Variants in GMPR observed in about 807,000 individuals in gnomAD.
GMPR encodes the protein GMP reductase 1.
Under a neutral mutation model 38.4 loss-of-function variants are expected in GMPR, and 31 were observed. The ratio of observed to expected loss-of-function variants is 0.81; its 90% CI spans 0.61 to 1.09. The LOEUF (loss-of-function observed/expected upper bound fraction) is 1.09, where lower values mean the gene tolerates loss of function less well. GMPR is among the 50% of genes least tolerant of loss of function. The probability of loss-of-function intolerance (pLI) is 0.00; values close to 1 mark genes in which losing one functional copy is unlikely to be tolerated. For missense variants in GMPR, 468 were observed against 453.7 expected (o/e 1.03, Z -0.29); for synonymous variants, 162 against 173.3 (o/e 0.93, Z 0.51).
chr6:16,265,061 C>A (rs1759165301), intron 4 of GMPR, among the ~76,000 whole-genome samples: 1 of 152,142 alleles, frequency 6.6e-6, no homozygotes, highest in Non-Finnish European at 1.5e-5. Flanking sequence ...ATAATGTGTT[C>A]TCGGGTACAT....
At chr6:16,249,674 C>G (rs1331520911) in intron 2 of GMPR, among the ~76,000 whole-genome samples, 1 of 152,148 alleles carries the variant, frequency 6.6e-6, no homozygotes. Context: ...TAATGCTGTT[C>G]AAAGTTGTTC....
intron 4 of GMPR, 103 bp from the exon 5 acceptor site, chr6:16,274,312 G>C: frequency 1.3e-6 from 1 of 756,244 alleles, no homozygotes; most frequent in South Asian, 1.6e-5. Context: ...CAGCTGCCTG[G>C]TGGCTTTAGG....
chr6:16,279,918 G>A (rs1286458185), intron 6 of GMPR, among the ~76,000 whole-genome samples: 3 of 152,216 alleles, frequency 2.0e-5, no homozygotes, highest in Admixed American at 1.3e-4. Context: ...GCTGGGACGC[G>A]TTAGTAATTC....
chr6:16,277,797 C>T (rs142468088), intron 5 of GMPR, among the ~76,000 whole-genome samples: 57 of 152,112 alleles, frequency 3.7e-4, no homozygotes, highest in African/African-American at 9.6e-4. Flanking sequence ...TTTGGCTAGG[C>T]GGGCTGGTAC....
chr6:16,281,725 G>T lies in GMPR; in HGVS notation c.654+2835G>T, dbSNP rs937983801. 2.6e-5 allele frequency among the ~76,000 whole-genome samples: 4 copies of T among 152,064 alleles called. No individual in the cohort carries two copies. The East Asian group carries it at 7.8e-4, about 29-fold the overall frequency. On this transcript the variant is annotated intron_variant, in intron 6 of 8. Coordinates refer to ENST00000259727, the MANE Select transcript of GMPR (RefSeq NM_006877.4). ...GGGTTTCACCATGCTGGCCAGGCTG[G>T]TCTCGAACTCCTGACCTCATGATCC...
intron 7 of GMPR, among the ~76,000 whole-genome samples, chr6:16,288,583 G>A (rs1300108588): frequency 1.3e-5 from 2 of 152,032 alleles, no homozygotes; most frequent in Non-Finnish European, 2.9e-5. Flanking sequence ...CCTAATGAGC[G>A]CCGCCCCCTG....
chr6:16,273,742 C>T (rs574797853), intron 4 of GMPR, among the ~76,000 whole-genome samples: 1 of 151,760 alleles, frequency 6.6e-6, no homozygotes, highest in East Asian at 1.9e-4. Flanking sequence ...TTTTTTTGCC[C>T]AACACTAAAG....
chr6:16,286,757 A>T (rs78897454), intron 7 of GMPR, among the ~76,000 whole-genome samples: 1 of 151,766 alleles, frequency 6.6e-6, no homozygotes, highest in Non-Finnish European at 1.5e-5. Flanking sequence ...ACAAAAAAAA[A>T]TACCGGGGTG....
intron 4 of GMPR, among the ~76,000 whole-genome samples, chr6:16,267,102 G>A (rs565238520): frequency 2.0e-5 from 3 of 152,144 alleles, no homozygotes; most frequent in Admixed American, 1.3e-4. Context: ...TGTGGCTCAC[G>A]CCTGTAATCC....
intron 4 of GMPR, chr6:16,258,043 G>A (rs1028141390): frequency 2.0e-5 from 3 of 152,180 alleles, no homozygotes; most frequent in African/African-American, 7.2e-5. Flanking sequence ...GAGGATCCTC[G>A]TGGCTGGAGA....
At chr6:16,267,288 C>A (rs112987905) in intron 4 of GMPR, among the ~76,000 whole-genome samples, 6,927 of 152,104 alleles carry the variant, frequency 0.046, 307 homozygotes, top group East Asian at 0.14. Context: ...AGGAGAATTG[C>A]ATGAACCTGG....
In GMPR at chr6:16,285,843, C is replaced by T. The variant is rs774159217; in HGVS notation, c.697+8C>T. The T allele has an allele frequency of 2.0e-5, 32 of 1,607,092 alleles. No homozygotes were observed. The highest frequency in any genetic ancestry group is 1.7e-4 in the Middle Eastern group (1 of 6,058). Reference sequence around the variant, plus strand: ...ATGTCGCCAAAGCCTTTGGTAAGGCCGGGCCCTGGTGCAGAGGGAGGGAAG... The same window carrying T: ...ATGTCGCCAAAGCCTTTGGTAAGGCTGGGCCCTGGTGCAGAGGGAGGGAAG... On this transcript the variant is annotated splice_region_variant and intron_variant, in intron 7 of 8. Transcript: ENST00000259727.
intron 4 of GMPR, among the ~76,000 whole-genome samples, chr6:16,260,389 CTG>C (rs1759060219): frequency 6.6e-6 from 1 of 151,958 alleles, no homozygotes; most frequent in Admixed American, 6.6e-5. Flanking sequence ...GAGGAAATGA[CTG>C]TGGTGGCCTT....
At chr6:16,261,032 T>G (rs1759073774) in intron 4 of GMPR, among the ~76,000 whole-genome samples, 1 of 151,898 alleles carries the variant, frequency 6.6e-6, no homozygotes, top group South Asian at 2.1e-4. Context: ...GAGCATAGTT[T>G]GTGATTTTGA....
chr6:16,261,082 G>A (rs546215833), intron 4 of GMPR, among the ~76,000 whole-genome samples: 39 of 150,854 alleles, frequency 2.6e-4, no homozygotes, highest in African/African-American at 8.2e-4. Flanking sequence ...GCCGCTGCAC[G>A]GAGACATGAT....
intron 2 of GMPR, among the ~76,000 whole-genome samples, chr6:16,247,222 A>G (rs982349092): frequency 5.9e-5 from 9 of 152,206 alleles, no homozygotes; most frequent in African/African-American, 2.2e-4. Flanking sequence ...GAAGCTAGAC[A>G]ACATGAAGAG....
chr6:16,261,672 C>T lies in GMPR; in HGVS notation c.465+6937C>T, dbSNP rs919620663. Reference sequence around the variant, plus strand: ...AGGAGAGTTTATAGGCTTTAAAAGGCCATGCTGTAGCAGGCGAGTGATAAC... The same window carrying T: ...AGGAGAGTTTATAGGCTTTAAAAGGTCATGCTGTAGCAGGCGAGTGATAAC... On this transcript the variant is annotated intron_variant, in intron 4 of 8. Transcript: ENST00000259727. Among the ~76,000 whole-genome samples the T allele has an allele frequency of 3.9e-5, 6 of 151,904 alleles. No individual in the cohort carries two copies. In the East Asian group the frequency reaches 1.2e-3, roughly 29 times the overall value.
chr6:16,248,997 A>G (rs1214142061), intron 2 of GMPR, among the ~76,000 whole-genome samples: 6 of 152,102 alleles, frequency 3.9e-5, no homozygotes, highest in Non-Finnish European at 7.4e-5. Context: ...ACAAGTTACT[A>G]AAGTCATAGA....
chr6:16,239,263 G>A (rs1416020134), intron 1 of GMPR, among the ~76,000 whole-genome samples: 2 of 152,190 alleles, frequency 1.3e-5, no homozygotes, highest in Admixed American at 1.3e-4. Context: ...AGAACCCAGG[G>A]CACAAGTTCA....
Sources: gnomAD v4.1 joint callset for allele counts (sites outside exome capture counted in the v4.1 genomes callset) on GRCh38, gnomAD v4.1.1 for gene constraint, MANE v1.5 for transcripts, NCBI Gene and HGNC (gene_info 2026-07-23, HGNC 2026-07-21) for gene names.